The following COL4A4 variants were observed in gnomAD, a reference collection of about 807,000 sequenced individuals.
The protein encoded by COL4A4 is collagen type IV alpha 4 chain.
COL4A4 carries 105 observed loss-of-function variants against 192.9 expected under a neutral mutation model. The observed-to-expected ratio is 0.54, with a 90% confidence interval of 0.46 to 0.64. The LOEUF (loss-of-function observed/expected upper bound fraction) is 0.64, where lower values mean the gene tolerates loss of function less well. Among genes scored for constraint, COL4A4 ranks in the 30% least tolerant of loss-of-function variants. The pLI is 0.00. For synonymous variants in COL4A4, 762 were observed against 769.9 expected (o/e 0.99, Z 0.17); for missense variants, 1,967 against 2,169.3 (o/e 0.91, Z 1.85).
intron 4 of COL4A4, among the ~76,000 whole-genome samples, chr2:227,133,696 A>T (rs2062627684): frequency 6.6e-6 from 1 of 152,144 alleles, no homozygotes; most frequent in Admixed American, 6.5e-5. Context: ...GTTTGAGACC[A>T]GCCTGGCCAA....
At chr2:227,147,289 C>A (rs374524327) in intron 2 of COL4A4, 124 bp downstream of exon 2, 1 of 901,868 alleles carries the variant, frequency 1.1e-6, no homozygotes, top group Admixed American at 1.7e-5. Context: ...GCAGACATAC[C>A]CTTAGCTTTC....
intron 47 of COL4A4, 106 bp downstream of exon 47, chr2:227,007,912 C>T (rs1962521831): frequency 1.4e-6 from 2 of 1,406,368 alleles, no homozygotes; most frequent in Non-Finnish European, 9.8e-7. Flanking sequence ...ACCTTATGTC[C>T]TAAGCGCAGA....
At chr2:227,010,752 G>A (rs1217720972) in intron 45 of COL4A4, among the ~76,000 whole-genome samples, 1 of 152,162 alleles carries the variant, frequency 6.6e-6, no homozygotes, top group Non-Finnish European at 1.5e-5. Flanking sequence ...AAAAACAGAG[G>A]AAAATCCCTG....
chr2:227,037,860 A>T (rs1217079739), intron 37 of COL4A4, among the ~76,000 whole-genome samples: 1 of 151,920 alleles, frequency 6.6e-6, no homozygotes, highest in Non-Finnish European at 1.5e-5. Flanking sequence ...TTTTATTTTC[A>T]TATGTTTGTT....
At chr2:226,970,029 T>C in the COL4A4 span, among the ~76,000 whole-genome samples, 1 of 132,324 alleles carries the variant, frequency 7.6e-6, no homozygotes, top group South Asian at 2.8e-4. Context: ...CCTGGGCTGC[T>C]TTTAACCTGG....
intron 22 of COL4A4, among the ~76,000 whole-genome samples, chr2:227,084,261 C>T (rs1306692818): frequency 6.6e-6 from 1 of 152,042 alleles, no homozygotes; most frequent in Non-Finnish European, 1.5e-5. Context: ...AAAGAAAATG[C>T]CCTTCTGAAG....
the COL4A4 span, among the ~76,000 whole-genome samples, chr2:226,981,431 ACTT>A: frequency 1.3e-5 from 2 of 151,660 alleles, no homozygotes; most frequent in African/African-American, 2.4e-5. Context: ...AGCTCATTGA[ACTT>A]CAAAAAAAAA....
chr2:227,008,242 G>C lies in COL4A4; in HGVS notation c.4585C>G (p.Gln1529Glu), dbSNP rs1253225024. The change falls in exon 47 of 48, where the codon CAG (glutamine) becomes GAG (glutamate). Residue 1529 changes from glutamine (Q) to glutamate (E), a missense_variant. Coordinates refer to ENST00000396625, the MANE Select transcript of COL4A4 (RefSeq NM_000092.5). ...TLPFAYCNIHQVCHYAQRNDR... is the reference protein window; with the variant it reads ...TLPFAYCNIHEVCHYAQRNDR... ...TTTCTCTGGGCATAGTGGCACACCT[G>C]GTGGATGTTGCAGTAGGCAAAGGGC... 1.9e-6 allele frequency: 3 copies of C among 1,614,122 alleles called. No homozygotes were observed. Among genetic ancestry groups the C allele is most frequent in the Non-Finnish European group, 2.5e-6 (3 of 1,180,046 alleles).
the COL4A4 span, among the ~76,000 whole-genome samples, chr2:226,984,295 C>T: frequency 1.1e-4 from 17 of 152,198 alleles, no homozygotes; most frequent in African/African-American, 3.9e-4. Context: ...ATTTATTTCT[C>T]ACGGTTCTGG....
rs2060091455 is a variant in COL4A4 at position 227,094,264 on chromosome 2, T to C, written c.1230A>G (p.Gln410=). Residue 410 remains glutamine (Q), a synonymous_variant, in exon 20 of 48, where the codon CAA becomes CAG. Transcript: ENST00000396625. ...GAAGCCCAGGAAGACCAGGAAATCC[T>C]TGTGGCCCAGGGGGTCCTATCATGC... ...CAGMIGPPGP[Q]GFPGLPGLPG... is the part of the protein sequence containing the mutation. 5 of 1,613,882 alleles carry C rather than the reference T, an allele frequency of 3.1e-6. No individual in the cohort carries two copies. Among genetic ancestry groups the C allele is most frequent in the Non-Finnish European group, 3.4e-6 (4 of 1,179,918 alleles).
intron 25 of COL4A4, among the ~76,000 whole-genome samples, chr2:227,072,577 C>G (rs944201449): frequency 6.6e-6 from 1 of 151,518 alleles, no homozygotes; most frequent in African/African-American, 2.4e-5. Flanking sequence ...ATCCTGATAC[C>G]AACACAGGAA....
At chr2:227,053,601 G>A (rs1974646112) in intron 31 of COL4A4, among the ~76,000 whole-genome samples, 1 of 139,306 alleles carries the variant, frequency 7.2e-6, no homozygotes, top group Non-Finnish European at 1.5e-5. Flanking sequence ...AGGCTGGAGT[G>A]CAGTGGCATG....
intron 29 of COL4A4, among the ~76,000 whole-genome samples, chr2:227,056,498 T>C (rs1266905835): frequency 2.0e-5 from 3 of 152,238 alleles, no homozygotes; most frequent in African/African-American, 4.8e-5. Context: ...TCTAACATTA[T>C]TGGTGCTAGA....
In COL4A4 at chr2:227,008,036, G is replaced by C. The variant is rs752585800; in HGVS notation, c.4791C>G (p.Ile1597Met). Residue 1597 changes from isoleucine to methionine, a missense_variant, in exon 47 of 48, where the codon ATC becomes ATG. Coordinates refer to ENST00000396625, the MANE Select transcript of COL4A4 (RefSeq NM_000092.5). ...GACTCACCATCAGGAATGAATACCC[G>C]ATCCAGAGGCTCCTCCAGGTCTGCG... is the stretch of plus-strand genomic sequence containing the variant. ...PCPQTWRSLW[I>M]GYSFLMHTGA... 6.2e-7 allele frequency: 1 copy of C among 1,612,484 alleles called. No individual in the cohort carries two copies. The highest frequency in any genetic ancestry group is 1.7e-5 in the Admixed American group (1 of 60,026).
intron 24 of COL4A4, 28 bp from the exon 25 acceptor site, chr2:227,078,105 A>G (rs1490624064): frequency 6.2e-7 from 1 of 1,610,726 alleles, no homozygotes; most frequent in African/African-American, 1.3e-5. Context: ...TGAGTCAATT[A>G]CCAACCACTG....
At chr2:227,059,312 A>G in intron 28 of COL4A4, 93 bp downstream of exon 28, 1 of 1,066,542 alleles carries the variant, frequency 9.4e-7, no homozygotes, top group Non-Finnish European at 1.5e-6. Flanking sequence ...TATATTCTAC[A>G]TGCCTAAAGC....
the COL4A4 span, among the ~76,000 whole-genome samples, chr2:226,990,598 C>G: frequency 6.6e-6 from 1 of 152,074 alleles, no homozygotes; most frequent in Non-Finnish European, 1.5e-5. Context: ...CATGGTGTTC[C>G]TTTTAGCAAT....
At chr2:227,056,195 T>A in intron 29 of COL4A4, 80 bp from the exon 30 acceptor site, 5 of 1,232,160 alleles carry the variant, frequency 4.1e-6, no homozygotes, top group Non-Finnish European at 4.8e-6. Flanking sequence ...TACAGTAGCT[T>A]AAACAATGCG....
At chr2:227,038,761 A>C (rs942859053) in intron 37 of COL4A4, among the ~76,000 whole-genome samples, 1 of 152,254 alleles carries the variant, frequency 6.6e-6, no homozygotes, top group African/African-American at 2.4e-5. Flanking sequence ...CAAGATAATC[A>C]GTCCCCTTGA....
Sources: gnomAD v4.1 joint callset for allele counts (sites outside exome capture counted in the v4.1 genomes callset) on GRCh38, gnomAD v4.1.1 for gene constraint, MANE v1.5 for transcripts, NCBI Gene and HGNC (gene_info 2026-07-23, HGNC 2026-07-21) for gene names.